PSMA1: variants seen among roughly 807,000 people sequenced by gnomAD.
PSMA1 encodes the protein proteasome subunit alpha type-1.
In PSMA1, 3 loss-of-function variants were observed where a neutral mutation model predicts 38.4. The ratio of observed to expected loss-of-function variants is 0.08; its 90% confidence interval spans 0.04 to 0.20. The LOEUF (loss-of-function observed/expected upper bound fraction) is 0.20, where lower values mean the gene tolerates loss of function less well. PSMA1 is among the 10% of genes least tolerant of loss of function. The pLI is 1.00. For synonymous variants in PSMA1, 101 were observed against 107.1 expected, an observed-to-expected ratio of 0.94 and a Z score of 0.35; for missense variants, 227 against 325.3, an observed-to-expected ratio of 0.70 and a Z score of 2.32.
At chr11:14,597,085 G>A (rs1852506230) in intron 2 of PSMA1, among the ~76,000 whole-genome samples, 1 of 152,160 alleles carries the variant, frequency 6.6e-6, no homozygotes, top group South Asian at 2.1e-4. Context: ...TTGCATCCCA[G>A]GGATGAAGCC....
chr11:14,627,743 T>A (rs1453764062), intron 1 of PSMA1, among the ~76,000 whole-genome samples: 1 of 152,238 alleles, frequency 6.6e-6, no homozygotes, highest in Non-Finnish European at 1.5e-5. Context: ...TTTATTGTTA[T>A]CATTCTCATA....
intron 1 of PSMA1, among the ~76,000 whole-genome samples, chr11:14,640,078 A>G (rs1590020155): frequency 1.3e-5 from 2 of 152,218 alleles, no homozygotes; most frequent in African/African-American, 4.8e-5. Context: ...ATACTGAATG[A>G]ATGAATGCAT....
chr11:14,581,052 G>T (rs1292405314), intron 2 of PSMA1, among the ~76,000 whole-genome samples: 1 of 152,122 alleles, frequency 6.6e-6, no homozygotes. Context: ...AGAGGACAAA[G>T]GGAAACACAT....
intron 1 of PSMA1, among the ~76,000 whole-genome samples, chr11:14,634,935 C>G (rs1853093034): frequency 6.6e-6 from 1 of 152,174 alleles, no homozygotes; most frequent in African/African-American, 2.4e-5. Context: ...GTTAGAGAAA[C>G]TTGGAGCCCA....
At chr11:14,506,122 T>G (rs1157761224) in intron 9 of PSMA1, among the ~76,000 whole-genome samples, 1 of 152,180 alleles carries the variant, frequency 6.6e-6, no homozygotes, top group Non-Finnish European at 1.5e-5. Context: ...GAGTCAAAAG[T>G]TATATGTGGA....
intron 2 of PSMA1, among the ~76,000 whole-genome samples, chr11:14,591,556 T>C (rs924209737): frequency 4.6e-5 from 7 of 152,164 alleles, no homozygotes; most frequent in African/African-American, 1.4e-4. Context: ...GGAGAGTCTT[T>C]ATATCTAGCT....
intron 2 of PSMA1, among the ~76,000 whole-genome samples, chr11:14,539,900 A>G (rs927322186): frequency 2.0e-5 from 3 of 152,158 alleles, no homozygotes; most frequent in Non-Finnish European, 4.4e-5. Flanking sequence ...CAGGAGGAAG[A>G]TAAAGGATAA....
intron 1 of PSMA1, among the ~76,000 whole-genome samples, chr11:14,615,966 G>A (rs2134200948): frequency 6.6e-6 from 1 of 152,252 alleles, no homozygotes; most frequent in Non-Finnish European, 1.5e-5. Flanking sequence ...CAGATAACCT[G>A]AGGGACATGG....
intron 2 of PSMA1, among the ~76,000 whole-genome samples, chr11:14,602,049 C>T (rs893134842): frequency 8.5e-5 from 13 of 152,320 alleles, no homozygotes; most frequent in South Asian, 2.1e-4. Context: ...TGGCTTCATA[C>T]TTCACACCCA....
At chr11:14,632,397 A>G (rs1269245880) in intron 1 of PSMA1, among the ~76,000 whole-genome samples, 1 of 145,948 alleles carries the variant, frequency 6.9e-6, no homozygotes, top group African/African-American at 2.6e-5. Flanking sequence ...GCTTGTCTGT[A>G]AAGTATTTTA....
At chr11:14,608,546 A>G (rs957985511) in intron 2 of PSMA1, among the ~76,000 whole-genome samples, 1 of 149,988 alleles carries the variant, frequency 6.7e-6, no homozygotes, top group Non-Finnish European at 1.5e-5. Flanking sequence ...ATGTACCCTA[A>G]AACTTAAAGT....
At chr11:14,576,245 T>C (rs986364011) in intron 2 of PSMA1, among the ~76,000 whole-genome samples, 15 of 152,244 alleles carry the variant, frequency 9.9e-5, no homozygotes, top group Non-Finnish European at 2.2e-4. Flanking sequence ...TTCTCTCTGA[T>C]GGTAGTTTCT....
intron 2 of PSMA1, among the ~76,000 whole-genome samples, chr11:14,543,108 A>T (rs964927783): frequency 2.5e-4 from 38 of 152,282 alleles, no homozygotes; most frequent in African/African-American, 8.2e-4. Flanking sequence ...TGGGATTACA[A>T]GCGTGAGCCA....
At chr11:14,636,326 T>C (rs1303923230) in intron 1 of PSMA1, among the ~76,000 whole-genome samples, 2 of 152,202 alleles carry the variant, frequency 1.3e-5, no homozygotes, top group Admixed American at 1.3e-4. Flanking sequence ...TGTGGTATTT[T>C]ATGCTTTTTT....
intron 1 of PSMA1, among the ~76,000 whole-genome samples, chr11:14,613,933 C>G (rs572474307): frequency 4.5e-4 from 69 of 152,294 alleles, no homozygotes; most frequent in African/African-American, 1.6e-3. Flanking sequence ...TTATCACACT[C>G]TGCTGCTTTC....
At chr11:14,537,096 T>G (rs1851717764) in intron 2 of PSMA1, among the ~76,000 whole-genome samples, 1 of 152,226 alleles carries the variant, frequency 6.6e-6, no homozygotes. Flanking sequence ...AGAGAAAAAA[T>G]TCAATCCTTA....
At chr11:14,578,477 A>T (rs1852245980) in intron 2 of PSMA1, among the ~76,000 whole-genome samples, 1 of 152,198 alleles carries the variant, frequency 6.6e-6, no homozygotes, top group African/African-American at 2.4e-5. Flanking sequence ...TGTTCATCTG[A>T]TTTAATCCAA....
chr11:14,556,668 A>G (rs534029250), intron 2 of PSMA1, among the ~76,000 whole-genome samples: 16 of 152,186 alleles, frequency 1.1e-4, no homozygotes, highest in Non-Finnish European at 1.5e-4. Context: ...ACTCTTGAGA[A>G]AAAATTTTTT....
chr11:14,524,816 T>C (rs1030301027), upstream of PSMA1, among the ~76,000 whole-genome samples: 2 of 152,032 alleles, frequency 1.3e-5, no homozygotes, highest in Non-Finnish European at 2.9e-5. Context: ...CCAAGGAACA[T>C]CTCACCGATT....
Sources: gnomAD v4.1 joint callset for allele counts (sites outside exome capture counted in the v4.1 genomes callset) on GRCh38, gnomAD v4.1.1 for gene constraint, MANE v1.5 for transcripts, NCBI Gene and HGNC (gene_info 2026-07-23, HGNC 2026-07-21) for gene names.